Variants in TENM2 observed in about 807,000 individuals in gnomAD.
TENM2 encodes the protein teneurin-2.
A neutral mutation model predicts 245.2 loss-of-function variants in TENM2; 52 were observed. That is an observed-to-expected ratio of 0.21 (90% CI 0.17 to 0.27). The LOEUF is 0.27. Among genes scored for constraint, TENM2 ranks in the 10% least tolerant of loss-of-function variants. TENM2 has a pLI of 1.00. For synonymous variants in TENM2, 1,363 were observed against 1,438.9 expected (o/e 0.95, Z 1.19); for missense variants, 3,046 against 3,666.8 (o/e 0.83, Z 4.37).
rs368273572 is a variant in TENM2 at position 168,078,116 on chromosome 5, C to A, written c.1516-12458C>A. Among the ~76,000 whole-genome samples, 23 of 152,270 alleles carry A rather than the reference C, an allele frequency of 1.5e-4. No individual in the cohort carries two copies. The East Asian group carries it at 4.2e-3, about 28-fold the overall frequency. ...TGTTTCCTGATTTTTTAATGATCGC[C>A]ATTCTAACTGGTATGAGATGGTATC... On this transcript the variant is annotated intron_variant, in intron 7 of 28. Transcript: ENST00000518659.
chr5:167,278,142 A>G, the TENM2 span, among the ~76,000 whole-genome samples: 11 of 151,986 alleles, frequency 7.2e-5, no homozygotes, highest in Non-Finnish European at 1.5e-4. Flanking sequence ...CATCTCCATA[A>G]AAAATACACA....
intron 2 of TENM2, among the ~76,000 whole-genome samples, chr5:167,743,766 G>GA (rs1761369306): frequency 6.6e-6 from 1 of 152,118 alleles, no homozygotes; most frequent in South Asian, 2.1e-4. Context: ...GAGAAATAGA[G>GA]AAACCTTTGC....
chr5:167,982,573 T>A (rs1359801167), intron 4 of TENM2, among the ~76,000 whole-genome samples: 1 of 152,150 alleles, frequency 6.6e-6, no homozygotes, highest in East Asian at 1.9e-4. Flanking sequence ...ATTGCTATTG[T>A]CTCTATTTTT....
intron 7 of TENM2, among the ~76,000 whole-genome samples, chr5:168,067,895 A>T (rs1790646723): frequency 6.6e-6 from 1 of 152,162 alleles, no homozygotes; most frequent in Admixed American, 6.6e-5. Flanking sequence ...CCTGATACGA[A>T]GTTTCATTTC....
At chr5:167,128,139 G>A in the TENM2 span, among the ~76,000 whole-genome samples, 4 of 152,144 alleles carry the variant, frequency 2.6e-5, no homozygotes, top group African/African-American at 7.2e-5. Flanking sequence ...AAAACGCAGC[G>A]CTCTTCTAAG....
chr5:167,365,289 A>G (rs1285566275), intron 1 of TENM2, among the ~76,000 whole-genome samples: 3 of 152,014 alleles, frequency 2.0e-5, no homozygotes, highest in Non-Finnish European at 2.9e-5. Flanking sequence ...GATAAAGAGG[A>G]AAATATTATA....
At chr5:167,079,425 T>C in the TENM2 span, among the ~76,000 whole-genome samples, 8 of 151,008 alleles carry the variant, frequency 5.3e-5, no homozygotes, top group Admixed American at 5.3e-4. Flanking sequence ...GAGATTCTCC[T>C]GTCTCAGCCT....
At chr5:167,034,892 T>C in the TENM2 span, among the ~76,000 whole-genome samples, 4 of 152,124 alleles carry the variant, frequency 2.6e-5, no homozygotes, top group African/African-American at 9.7e-5. Flanking sequence ...TGGTTTTTTG[T>C]TACAAATGAA....
the TENM2 span, among the ~76,000 whole-genome samples, chr5:167,162,873 G>T: frequency 6.6e-6 from 1 of 152,164 alleles, no homozygotes; most frequent in African/African-American, 2.4e-5. Context: ...TGAGAAACAT[G>T]ATTTTTAAGA....
intron 2 of TENM2, among the ~76,000 whole-genome samples, chr5:167,680,644 T>G (rs1756644265): frequency 6.6e-6 from 1 of 152,136 alleles, no homozygotes; most frequent in African/African-American, 2.4e-5. Context: ...GTAAACCAGA[T>G]GAGAGACGAC....
At chr5:167,487,538 T>C (rs1768152317) in intron 2 of TENM2, among the ~76,000 whole-genome samples, 1 of 152,206 alleles carries the variant, frequency 6.6e-6, no homozygotes. Context: ...ATATGTGTAT[T>C]TGTTAGTGAA....
the TENM2 span, among the ~76,000 whole-genome samples, chr5:167,101,849 T>TTATATATAATATATA: frequency 1.4e-5 from 1 of 69,456 alleles, no homozygotes; most frequent in Non-Finnish European, 2.6e-5. Flanking sequence ...ATATATATAT[T>TTATATATAATATATA]TATATATATA....
chr5:167,446,939 A>G (rs949534439), intron 2 of TENM2, among the ~76,000 whole-genome samples: 1 of 152,148 alleles, frequency 6.6e-6, no homozygotes, highest in Admixed American at 6.5e-5. Context: ...ATTTTAGAAT[A>G]TTTGTATAAT....
At chr5:167,814,060 A>C (rs10454966) in intron 2 of TENM2, among the ~76,000 whole-genome samples, 42,209 of 151,942 alleles carry the variant, frequency 0.28, 8,660 homozygotes, top group African/African-American at 0.58. Flanking sequence ...GTGATGCTCA[A>C]GGCTAGTTCA....
intron 2 of TENM2, among the ~76,000 whole-genome samples, chr5:167,397,356 C>A (rs1188558040): frequency 6.6e-6 from 1 of 152,100 alleles, no homozygotes; most frequent in African/African-American, 2.4e-5. Flanking sequence ...AGTCCTTATT[C>A]ATTTAATTCA....
chr5:167,730,944 A>G (rs1296963813), intron 2 of TENM2, among the ~76,000 whole-genome samples: 1 of 152,172 alleles, frequency 6.6e-6, no homozygotes, highest in Non-Finnish European at 1.5e-5. Flanking sequence ...CAGTGAAATC[A>G]TTGGTTCAGT....
rs75219281 is a variant in TENM2, at chr5:167,604,150, C to T, written c.502+228677C>T. Among the ~76,000 whole-genome samples the T allele has an allele frequency of 9.2e-4, 140 of 152,030 alleles. 1 individual carries two copies. In the East Asian group the frequency reaches 0.01, roughly 11 times the overall value. On this transcript the variant is annotated intron_variant, in intron 2 of 28. Transcript: ENST00000518659. ...AGAGGAAAAGAAAAAAATAAAAATA[C>T]GAAACAACAGTAAGATCTTTCAATC...
chr5:168,070,322 T>C (rs1336252640), intron 7 of TENM2, among the ~76,000 whole-genome samples: 1 of 152,190 alleles, frequency 6.6e-6, no homozygotes, highest in Non-Finnish European at 1.5e-5. Flanking sequence ...GGTTTCCTTT[T>C]CCAAGATAAA....
intron 5 of TENM2, among the ~76,000 whole-genome samples, chr5:168,026,947 A>G (rs1297563462): frequency 6.6e-6 from 1 of 152,186 alleles, no homozygotes; most frequent in Non-Finnish European, 1.5e-5. Context: ...AGGGTCTATC[A>G]GCCTCCCAAT....
Sources: allele counts gnomAD v4.1 joint callset (sites outside exome capture counted in the v4.1 genomes callset), GRCh38; gene constraint gnomAD v4.1.1; transcripts MANE v1.5; gene names NCBI Gene and HGNC (gene_info 2026-07-23, HGNC 2026-07-21).